Variants in SLIT3 observed in about 807,000 individuals in gnomAD.
SLIT3 encodes slit homolog 3 protein.
Under a neutral mutation model 184.0 loss-of-function variants are expected in SLIT3, and 68 were observed. The ratio of observed to expected loss-of-function variants is 0.37; its 90% confidence interval spans 0.30 to 0.45. SLIT3 has a LOEUF of 0.45. SLIT3 is among the 20% of genes least tolerant of loss of function. The pLI, the probability that SLIT3 is intolerant of heterozygous loss-of-function variation, is 1.00. For missense variants in SLIT3, 1,707 were observed against 2,026.0 expected (o/e 0.84, Z 3.02); for synonymous variants, 831 against 828.6 (o/e 1.00, Z -0.05).
chr5:169,275,006 T>G (rs959615458), intron 1 of SLIT3, among the ~76,000 whole-genome samples: 1 of 152,256 alleles, frequency 6.6e-6, no homozygotes, highest in East Asian at 1.9e-4. Context: ...GTTAGCGCTT[T>G]GTACGGCACA....
intron 4 of SLIT3, among the ~76,000 whole-genome samples, chr5:168,894,016 C>A (rs1455913449): frequency 6.6e-6 from 1 of 152,148 alleles, no homozygotes. Flanking sequence ...GGGAGTGAGG[C>A]TGATTGATTC....
At chr5:168,847,205 T>TA (rs1491323748) in intron 5 of SLIT3, among the ~76,000 whole-genome samples, 12 of 152,258 alleles carry the variant, frequency 7.9e-5, no homozygotes, top group Non-Finnish European at 1.6e-4. Flanking sequence ...ACTATAAGCA[T>TA]CTCTGTGGGT....
intron 4 of SLIT3, among the ~76,000 whole-genome samples, chr5:168,962,375 G>T (rs1279756945): frequency 6.6e-6 from 1 of 151,438 alleles, no homozygotes; most frequent in East Asian, 1.9e-4. Context: ...ATCTGTCAGA[G>T]ACTTTTTCCC....
chr5:169,117,142 T>G (rs1760700223), intron 4 of SLIT3, among the ~76,000 whole-genome samples: 1 of 152,016 alleles, frequency 6.6e-6, no homozygotes, highest in East Asian at 1.9e-4. Flanking sequence ...ACAAGTAGCG[T>G]GGAATGAGAA....
chr5:168,765,426 G>A (rs1316325203), intron 14 of SLIT3, among the ~76,000 whole-genome samples: 1 of 152,158 alleles, frequency 6.6e-6, no homozygotes, highest in East Asian at 1.9e-4. Flanking sequence ...GGGTCGGAAT[G>A]TGATATTTTA....
rs190114154 is a variant in SLIT3, at chr5:169,048,319, G to A, written c.413+145160C>T. ...TAATATCTGACCAGTGGGATGAGGT[G>A]TAAAACATTCTCATAACAAACCAGG... On this transcript the variant is annotated intron_variant, in intron 4 of 35. Coordinates refer to ENST00000519560, the MANE Select transcript of SLIT3 (RefSeq NM_003062.4). Among the ~76,000 whole-genome samples the A allele has an allele frequency of 1.6e-3, 250 of 152,332 alleles. 1 individual carries two copies. The highest frequency in any genetic ancestry group is 5.0e-3 in the South Asian group (24 of 4,824).
intron 14 of SLIT3, among the ~76,000 whole-genome samples, chr5:168,764,411 G>C (rs138321221): frequency 2.6e-5 from 4 of 152,288 alleles, no homozygotes; most frequent in African/African-American, 9.6e-5. Context: ...GCAGGCTGCT[G>C]TCTGGTTCCA....
intron 4 of SLIT3, among the ~76,000 whole-genome samples, chr5:168,968,210 C>CAGCA (rs1241681825): frequency 6.6e-6 from 1 of 152,216 alleles, no homozygotes; most frequent in African/African-American, 2.4e-5. Flanking sequence ...CCATCCTTAT[C>CAGCA]AGCAAGCTTA....
chr5:169,174,086 T>C (rs1762896305), intron 4 of SLIT3, among the ~76,000 whole-genome samples: 1 of 151,872 alleles, frequency 6.6e-6, no homozygotes, highest in African/African-American at 2.4e-5. Flanking sequence ...CAGGGCTCCA[T>C]CACAAGGGCA....
At chr5:168,890,790 ATG>A (rs1285962665) in intron 4 of SLIT3, among the ~76,000 whole-genome samples, 1 of 152,190 alleles carries the variant, frequency 6.6e-6, no homozygotes, top group Non-Finnish European at 1.5e-5. Context: ...GCTTTTATGT[ATG>A]TGTGACATTT....
At chr5:168,852,352 G>C (rs1285906540) in intron 5 of SLIT3, among the ~76,000 whole-genome samples, 5 of 152,184 alleles carry the variant, frequency 3.3e-5, no homozygotes, top group Non-Finnish European at 7.3e-5. Context: ...TATCCCCATG[G>C]GGGTTTCAGA....
At chr5:168,942,770 G>A (rs1367269633) in intron 4 of SLIT3, among the ~76,000 whole-genome samples, 1 of 133,256 alleles carries the variant, frequency 7.5e-6, no homozygotes, top group African/African-American at 2.9e-5. Flanking sequence ...GAGTTTGTGG[G>A]GGGTGACCAG....
At chr5:168,827,146 G>GGTA (rs1486952255) in intron 6 of SLIT3, among the ~76,000 whole-genome samples, 1 of 152,184 alleles carries the variant, frequency 6.6e-6, no homozygotes, top group Admixed American at 6.5e-5. Flanking sequence ...TGAAGCATGT[G>GGTA]GTAGTGCCAA....
At chr5:169,202,307 A>G (rs576620035) in intron 3 of SLIT3, among the ~76,000 whole-genome samples, 25 of 152,238 alleles carry the variant, frequency 1.6e-4, no homozygotes, top group African/African-American at 4.3e-4. Context: ...TTCCTTTTTT[A>G]TGTTCACATA....
rs1755201196 is a variant in SLIT3, at chr5:168,762,681, C to T, written c.1468G>A (p.Asp490Asn). Reference sequence around the variant, plus strand: ...TCGCTGCTGAACCTGCTGCGGTAATCCTCGGAGCCTGGGAGGGGCCAAAGA... The same window carrying T: ...TCGCTGCTGAACCTGCTGCGGTAATTCTCGGAGCCTGGGAGGGGCCAAAGA... ...SKKFRCSGSE[D>N]YRSRFSSECF... is the part of the protein sequence containing the mutation. Residue 490 changes from aspartate (D) to asparagine (N), a missense_variant, in exon 15 of 36, where the codon GAT becomes AAT. By Grantham distance (23) the Asp-to-Asn change is conservative. Transcript: ENST00000519560. 1.2e-6 allele frequency: 2 copies of T among 1,613,606 alleles called. No individual in the cohort carries two copies. The highest frequency in any genetic ancestry group is 8.5e-7 in the Non-Finnish European group (1 of 1,179,790).
chr5:169,196,665 G>A (rs1182220456), intron 3 of SLIT3, among the ~76,000 whole-genome samples: 1 of 152,178 alleles, frequency 6.6e-6, no homozygotes, highest in Non-Finnish European at 1.5e-5. Context: ...GGTAGTGGCA[G>A]GATTTGCACC....
intron 4 of SLIT3, among the ~76,000 whole-genome samples, chr5:169,114,922 G>A (rs960316016): frequency 3.3e-5 from 5 of 152,194 alleles, no homozygotes; most frequent in South Asian, 2.1e-4. Flanking sequence ...GGCAGTTAGA[G>A]AAACATTATC....
intron 14 of SLIT3, chr5:168,768,075 G>C (rs577027327): frequency 2.5e-6 from 1 of 396,072 alleles, no homozygotes; most frequent in Non-Finnish European, 5.2e-6. Flanking sequence ...GGGTCTGGCA[G>C]GTGGTGGGCT....
At chr5:168,984,439 G>C (rs1420375768) in intron 4 of SLIT3, among the ~76,000 whole-genome samples, 1 of 152,172 alleles carries the variant, frequency 6.6e-6, no homozygotes, top group Non-Finnish European at 1.5e-5. Context: ...CATGCTTCCT[G>C]TCAATACCCT....
Sources: allele counts gnomAD v4.1 joint callset (sites outside exome capture counted in the v4.1 genomes callset), GRCh38; gene constraint gnomAD v4.1.1; transcripts MANE v1.5; gene names NCBI Gene and HGNC (gene_info 2026-07-23, HGNC 2026-07-21).